TCAIM: variants seen among roughly 807,000 people sequenced by gnomAD.
TCAIM encodes T cell activation inhibitor, mitochondrial.
In TCAIM, 36 loss-of-function variants were observed where a neutral mutation model predicts 58.6. That is an observed-to-expected ratio of 0.61 (90% CI 0.47 to 0.81). The LOEUF is 0.81. Among genes scored for constraint, TCAIM ranks in the 30% least tolerant of loss-of-function variants. TCAIM has a pLI of 0.00. For missense variants in TCAIM, 466 were observed against 579.6 expected (o/e 0.80, Z 2.01); for synonymous variants, 172 against 193.6 (o/e 0.89, Z 0.93).
At chr3:44,367,934 A>G (rs1701407781) in intron 5 of TCAIM, 1 of 422,248 alleles carries the variant, frequency 2.4e-6, no homozygotes, top group Non-Finnish European at 4.2e-6. Context: ...AATACTTCCA[A>G]CTGTATTTAA....
Position 44,396,813 on chromosome 3 carries a change from T to C in TCAIM, c.864T>C (p.Asp288=), listed in dbSNP as rs1559583019. 3 of 1,614,194 alleles carry C rather than the reference T, an allele frequency of 1.9e-6. No homozygotes were observed. In the South Asian group the frequency reaches 3.3e-5, roughly 18 times the overall value. The change falls in exon 8 of 11, where the codon GAT becomes GAC. Residue 288 remains aspartate (D), a synonymous_variant. Transcript: ENST00000342649. The part of the protein sequence containing the change: ...AVGHVMLGTM[D]VHHHWTKLFE... Reference sequence around the variant, plus strand: ...GCCATGTGATGCTAGGAACAATGGATGTCCATCACCACTGGACAAAAGTAA... The same window carrying C: ...GCCATGTGATGCTAGGAACAATGGACGTCCATCACCACTGGACAAAAGTAA...
At chr3:44,353,975 A>G (rs1313818620) in intron 1 of TCAIM, among the ~76,000 whole-genome samples, 2 of 152,190 alleles carry the variant, frequency 1.3e-5, no homozygotes, top group Non-Finnish European at 2.9e-5. Context: ...CTTTGTTGTT[A>G]TAACTAAATA....
At chr3:44,383,368 A>G (rs1046582843) in intron 5 of TCAIM, among the ~76,000 whole-genome samples, 2 of 152,130 alleles carry the variant, frequency 1.3e-5, no homozygotes, top group African/African-American at 4.8e-5. Flanking sequence ...TGTTAGCCTT[A>G]AAAAGGAAGG....
At chr3:44,357,975 GT>G (rs1332151855) in intron 3 of TCAIM, 99 bp downstream of exon 3, 2 of 1,447,390 alleles carry the variant, frequency 1.4e-6, no homozygotes, top group Non-Finnish European at 1.8e-6. Flanking sequence ...GGATTATTCT[GT>G]TGTGGTGATA....
At chr3:44,386,725 G>A (rs542172249) in intron 5 of TCAIM, among the ~76,000 whole-genome samples, 20 of 152,364 alleles carry the variant, frequency 1.3e-4, no homozygotes, top group African/African-American at 2.2e-4. Context: ...CTGTCCCTCC[G>A]GACTTTGGGC....
At chr3:44,361,343 T>C (rs1213438974) in intron 3 of TCAIM, 22 bp from the exon 4 acceptor site, 1 of 1,580,088 alleles carries the variant, frequency 6.3e-7, no homozygotes, top group Non-Finnish European at 8.6e-7. Context: ...TGTATGTAAA[T>C]GCCCTTAATG....
rs1297028444 is a variant in TCAIM, at chr3:44,396,635, G to A, written c.794-108G>A. 5 of 1,415,334 alleles carry A rather than the reference G, an allele frequency of 3.5e-6. No individual in the cohort carries two copies. The Admixed American group carries it at 1.0e-4, about 30-fold the overall frequency. 87.7% of individuals were successfully genotyped at this position (1,415,334 alleles called of 1,614,324 possible). A position where few individuals can be genotyped will look rare whatever the true frequency, so the allele number is the denominator to read the frequency against. On this transcript the variant is annotated intron_variant, in intron 7 of 10. Coordinates refer to ENST00000342649, the MANE Select transcript of TCAIM (RefSeq NM_173826.4). ...TGAATAAAGCAGTGGCATAAAATTA[G>A]CCTTTAAGCTTCTACTGAATTTAAT...
At chr3:44,369,188 T>A (rs1701425306) in intron 5 of TCAIM, among the ~76,000 whole-genome samples, 1 of 152,166 alleles carries the variant, frequency 6.6e-6, no homozygotes, top group Non-Finnish European at 1.5e-5. Context: ...GAAGAGAAGT[T>A]CTCAGCCTTG....
intron 1 of TCAIM, among the ~76,000 whole-genome samples, chr3:44,347,968 AAGC>A (rs1011271156): frequency 6.6e-6 from 1 of 152,144 alleles, no homozygotes; most frequent in Non-Finnish European, 1.5e-5. Flanking sequence ...ATAGTCAGGA[AAGC>A]AGATAATTTA....
intron 5 of TCAIM, among the ~76,000 whole-genome samples, chr3:44,370,370 C>T (rs1235469924): frequency 3.3e-5 from 5 of 150,720 alleles, no homozygotes; most frequent in Admixed American, 6.6e-5. Flanking sequence ...GCAGGAGAAT[C>T]GCTTGAACCG....
At chr3:44,386,468 T>C (rs1168924807) in intron 5 of TCAIM, among the ~76,000 whole-genome samples, 1 of 152,096 alleles carries the variant, frequency 6.6e-6, no homozygotes, top group Non-Finnish European at 1.5e-5. Context: ...ACTGAATTGG[T>C]AGGGTGGGAG....
At chr3:44,356,911 AGAT>A (rs1446060145) in intron 2 of TCAIM, among the ~76,000 whole-genome samples, 3 of 151,832 alleles carry the variant, frequency 2.0e-5, no homozygotes, top group Non-Finnish European at 4.4e-5. Flanking sequence ...GAGAGGCAGA[AGAT>A]TGCATGCAGT....
Position 44,401,317 on chromosome 3 carries a change from C to T in TCAIM, c.1233C>T (p.Asn411=). ...CCAAAGCTCAGCAGGCAAGAGAGAA[C>T]ATGAAAAGAAAGGAAGAGTAAGTAC... The part of the protein sequence containing the change: ...ILTKAQQARE[N]MKRKEELKVI... Residue 411 remains asparagine (N), a synonymous_variant, in exon 10 of 11, where the codon AAC becomes AAT. Transcript: ENST00000342649. 6.2e-7 allele frequency: 1 copy of T among 1,613,860 alleles called. No individual in the cohort carries two copies. Among genetic ancestry groups the T allele is most frequent in the South Asian group, 1.1e-5 (1 of 91,076 alleles).
chr3:44,389,319 T>C (rs940327732), intron 5 of TCAIM, among the ~76,000 whole-genome samples: 4 of 152,120 alleles, frequency 2.6e-5, no homozygotes, highest in Non-Finnish European at 5.9e-5. Flanking sequence ...ACAGAAACCA[T>C]GTTGAGAGTC....
At chr3:44,402,911 C>T (rs758272581) in intron 10 of TCAIM, among the ~76,000 whole-genome samples, 3 of 152,026 alleles carry the variant, frequency 2.0e-5, no homozygotes, top group Non-Finnish European at 4.4e-5. Flanking sequence ...GCAGTTCTCC[C>T]GCCTTACCGT....
chr3:44,388,416 T>A (rs1210580007), intron 5 of TCAIM, among the ~76,000 whole-genome samples: 2 of 152,166 alleles, frequency 1.3e-5, no homozygotes, highest in African/African-American at 4.8e-5. Context: ...TCTTTCCATT[T>A]GTTTATCTGA....
At chr3:44,398,159 C>T (rs770726476) in intron 8 of TCAIM, among the ~76,000 whole-genome samples, 15 of 152,122 alleles carry the variant, frequency 9.9e-5, no homozygotes, top group Admixed American at 2.6e-4. Context: ...GGCACTGTGG[C>T]TCACACCTGT....
chr3:44,353,358 GCA>G (rs1315475156), intron 1 of TCAIM, among the ~76,000 whole-genome samples: 3 of 152,172 alleles, frequency 2.0e-5, no homozygotes, highest in African/African-American at 7.2e-5. Context: ...CCAAGTTTTA[GCA>G]GTTATAAATA....
intron 5 of TCAIM, among the ~76,000 whole-genome samples, chr3:44,385,132 C>G (rs769519641): frequency 3.3e-5 from 5 of 152,126 alleles, no homozygotes; most frequent in African/African-American, 1.2e-4. Flanking sequence ...GGATTACTTA[C>G]GATTGTCACT....
Sources: allele counts gnomAD v4.1 joint callset (sites outside exome capture counted in the v4.1 genomes callset), GRCh38; gene constraint gnomAD v4.1.1; transcripts MANE v1.5; gene names NCBI Gene and HGNC (gene_info 2026-07-23, HGNC 2026-07-21).